The following MAS1 variants were observed in gnomAD, a reference collection of about 807,000 sequenced individuals.
MAS1 encodes the protein proto-oncogene Mas.
For synonymous variants in MAS1, 163 were observed against 164.2 expected, an observed-to-expected ratio of 0.99 and a Z score of 0.05; for missense variants, 387 against 409.7, an observed-to-expected ratio of 0.94 and a Z score of 0.48.
intron 1 of MAS1, among the ~76,000 whole-genome samples, chr6:159,893,436 A>C (rs1458686229): frequency 1.3e-5 from 2 of 152,088 alleles, no homozygotes; most frequent in Non-Finnish European, 2.9e-5. Flanking sequence ...GGGCCCAACA[A>C]AGTGAGGAGG....
Position 159,907,928 on chromosome 6 carries a change from G to A in MAS1, c.973G>A (p.Val325Ile), listed in dbSNP as rs149048594. The change falls in exon 3 of 3, where the codon GTC becomes ATC. Residue 325 changes from valine (V) to isoleucine (I), a missense_variant. By Grantham distance (29) the Val-to-Ile change is conservative. Transcript: ENST00000674077. ...NCNTVTVETV[V>I] ...TAATACGGTCACAGTTGAGACTGTC[G>A]TCTAAGAACTGTGAGGGAAGTTGTG... The A allele has an allele frequency of 5.4e-5, 86 of 1,583,684 alleles. No homozygotes were observed. The highest frequency in any genetic ancestry group is 5.8e-5 in the Non-Finnish European group (68 of 1,165,162).
At position 159,908,962 on chromosome 6, in the gene MAS1, C is replaced by T. The variant is rs567194832; in HGVS notation, c.*1029C>T. ...TGCGGGTCTCTGCACCTGTCTGCCTCCTCTCCTCCTGAGGCTTTTTTTTTT... is the reference window on the plus strand; with the variant it reads ...TGCGGGTCTCTGCACCTGTCTGCCTTCTCTCCTCCTGAGGCTTTTTTTTTT... On this transcript the variant is annotated 3_prime_UTR_variant, in exon 3 of 3. Transcript: ENST00000674077. The T allele has an allele frequency of 2.0e-5, 3 of 151,372 alleles. No homozygotes were observed. In the South Asian group the frequency reaches 6.3e-4, roughly 32 times the overall value. The allele number at this position is 151,372 out of a possible 1,614,324, so 9.4% of individuals were successfully genotyped here.
intron 2 of MAS1, among the ~76,000 whole-genome samples, chr6:159,903,575 C>T (rs1194123551): frequency 5.9e-5 from 9 of 152,266 alleles, no homozygotes; most frequent in Admixed American, 5.9e-4. Flanking sequence ...TAGCTGATGA[C>T]CTTGCTCCTT....
rs1478268740 is a variant in MAS1 at position 159,915,410 on chromosome 6, G to A, written c.*7477G>A. 2.6e-5 allele frequency: 4 copies of A among 152,202 alleles called. No homozygotes were observed. Among genetic ancestry groups the A allele is most frequent in the Non-Finnish European group, 5.9e-5 (4 of 68,040 alleles). The allele number at this position is 152,202 out of a possible 1,614,324, so 9.4% of individuals were successfully genotyped here. On this transcript the variant is annotated 3_prime_UTR_variant, in exon 3 of 3. Transcript: ENST00000674077. ...GCTGGAAATAGGACTAGTTCACTGA[G>A]TATAACGTTTCTACAGAGCAGTCTG...
In MAS1 at chr6:159,909,403, T is replaced by C. The variant is rs1782939957; in HGVS notation, c.*1470T>C. 1 of 152,218 alleles carries C rather than the reference T, an allele frequency of 6.6e-6. No homozygotes were observed. Among genetic ancestry groups the C allele is most frequent in the African/African-American group, 2.4e-5 (1 of 41,454 alleles). The allele number at this position is 152,218 out of a possible 1,614,324, so 9.4% of individuals were successfully genotyped here. On this transcript the variant is annotated 3_prime_UTR_variant, in exon 3 of 3. Transcript: ENST00000674077. The stretch of plus-strand genomic sequence containing the variant: ...GCTTGTCCTTCCCCATCCTCTTCCT[T>C]TCTCAAAAGAAATGATGTGGGGCAG...
At chr6:159,900,384 G>A (rs559502478) in intron 2 of MAS1, among the ~76,000 whole-genome samples, 2 of 152,302 alleles carry the variant, frequency 1.3e-5, no homozygotes, top group East Asian at 1.9e-4. Flanking sequence ...CCAAGGAGCT[G>A]GGGGAGGAAA....
intron 1 of MAS1, among the ~76,000 whole-genome samples, chr6:159,895,926 T>C (rs1017659931): frequency 1.3e-5 from 2 of 152,246 alleles, no homozygotes; most frequent in Non-Finnish European, 1.5e-5. Flanking sequence ...TTTGCATCCA[T>C]ATGAATTCAT....
intron 2 of MAS1, among the ~76,000 whole-genome samples, chr6:159,904,992 G>A (rs993210347): frequency 6.6e-6 from 1 of 152,122 alleles, no homozygotes. Context: ...TGAGTGAGAC[G>A]TTTCCCATCA....
intron 2 of MAS1, among the ~76,000 whole-genome samples, chr6:159,903,140 C>T (rs983752718): frequency 1.3e-5 from 2 of 152,090 alleles, no homozygotes; most frequent in Non-Finnish European, 2.9e-5. Context: ...TCAATGATTC[C>T]CTGACACCGC....
chr6:159,905,143 C>T (rs1376193357), intron 2 of MAS1, among the ~76,000 whole-genome samples: 2 of 152,216 alleles, frequency 1.3e-5, no homozygotes, highest in Non-Finnish European at 2.9e-5. Flanking sequence ...TGCCTCCCTA[C>T]TGGGATACAG....
chr6:159,904,569 G>A (rs1782861989), intron 2 of MAS1, among the ~76,000 whole-genome samples: 2 of 152,294 alleles, frequency 1.3e-5, no homozygotes, highest in East Asian at 3.9e-4. Context: ...TCCTCCCTGT[G>A]TCTAGGCCAG....
chr6:159,896,678 G>A (rs908886213), intron 1 of MAS1, among the ~76,000 whole-genome samples: 2 of 152,168 alleles, frequency 1.3e-5, no homozygotes, highest in African/African-American at 2.4e-5. Flanking sequence ...TATAAAATGA[G>A]CCCTGCTGGG....
intron 1 of MAS1, among the ~76,000 whole-genome samples, chr6:159,896,634 A>C (rs975822143): frequency 6.6e-6 from 1 of 152,198 alleles, no homozygotes; most frequent in Non-Finnish European, 1.5e-5. Flanking sequence ...ATTTAAAAGA[A>C]AATATCCCCA....
rs1210069025 is a variant in MAS1, at chr6:159,907,350, TGTCA to T, written c.399_402del (p.Val134PhefsTer29). On this transcript the variant is annotated frameshift_variant, in exon 3 of 3. Coordinates refer to ENST00000674077, the MANE Select transcript of MAS1 (RefSeq NM_002377.4). LOFTEE classifies it low-confidence loss of function (END_TRUNC). ...ACGGCCATTAGTGTGGAGAGGTGCCTGTCAGTCCTTTACCCCATCTGGTACCGAT... is the reference window on the plus strand; with the variant it reads ...ACGGCCATTAGTGTGGAGAGGTGCCTGTCCTTTACCCCATCTGGTACCGAT... 6.2e-7 allele frequency: 1 copy of T among 1,614,100 alleles called. No homozygotes were observed. The highest frequency in any genetic ancestry group is 8.5e-7 in the Non-Finnish European group (1 of 1,180,062).
In MAS1 at chr6:159,907,221, T is replaced by C. The variant is rs781217007; in HGVS notation, c.266T>C (p.Ile89Thr). 2.5e-6 allele frequency: 4 copies of C among 1,614,266 alleles called. No individual in the cohort carries two copies. In the East Asian group the frequency reaches 8.9e-5, roughly 36 times the overall value. ...SLLFCIFILSIDYALDYELSS... is the reference protein window; with the variant it reads ...SLLFCIFILSTDYALDYELSS... Reference sequence around the variant, plus strand: ...CTCTTCTGTATTTTCATCTTGTCTATCGACTATGCTTTAGATTATGAGCTT... The same window carrying C: ...CTCTTCTGTATTTTCATCTTGTCTACCGACTATGCTTTAGATTATGAGCTT... The change falls in exon 3 of 3, where the codon ATC becomes ACC. Residue 89 changes from isoleucine to threonine, a missense_variant. Physicochemically the swap from Ile to Thr is moderately conservative, Grantham distance 89. Coordinates refer to ENST00000674077, the MANE Select transcript of MAS1 (RefSeq NM_002377.4).
intron 2 of MAS1, among the ~76,000 whole-genome samples, chr6:159,904,657 G>A (rs1234902839): frequency 6.6e-6 from 1 of 152,160 alleles, no homozygotes; most frequent in Non-Finnish European, 1.5e-5. Flanking sequence ...GCCATACCGA[G>A]GCTGTTCACG....
At chr6:159,904,846 G>A (rs926509982) in intron 2 of MAS1, among the ~76,000 whole-genome samples, 2 of 152,086 alleles carry the variant, frequency 1.3e-5, no homozygotes, top group Admixed American at 6.5e-5. Flanking sequence ...GCCTTTCTGC[G>A]GTTCTTCACT....
intron 1 of MAS1, among the ~76,000 whole-genome samples, chr6:159,896,763 T>C (rs1782757853): frequency 6.6e-6 from 1 of 152,114 alleles, no homozygotes; most frequent in East Asian, 1.9e-4. Flanking sequence ...GGAATTGCAA[T>C]AGAGAAAGAG....
chr6:159,904,156 C>A (rs931703032), intron 2 of MAS1, among the ~76,000 whole-genome samples: 2 of 152,160 alleles, frequency 1.3e-5, no homozygotes, highest in African/African-American at 4.8e-5. Flanking sequence ...CCTCATCTCC[C>A]CAGCCTCTAA....
Sources: allele counts gnomAD v4.1 joint callset (sites outside exome capture counted in the v4.1 genomes callset), GRCh38; gene constraint gnomAD v4.1.1; transcripts MANE v1.5; gene names NCBI Gene and HGNC (gene_info 2026-07-23, HGNC 2026-07-21).